The following IPCEF1 variants were observed in gnomAD, a reference collection of about 807,000 sequenced individuals.
IPCEF1 encodes the protein interactor protein for cytohesin exchange factors 1.
Under a neutral mutation model 50.9 loss-of-function variants are expected in IPCEF1, and 31 were observed. That is an observed-to-expected ratio of 0.61 (90% confidence interval 0.46 to 0.82). IPCEF1 has a LOEUF of 0.82. Among genes scored for constraint, IPCEF1 ranks in the 40% least tolerant of loss-of-function variants. The pLI is 0.00. For missense variants in IPCEF1, 458 were observed against 514.0 expected (o/e 0.89, Z 1.05); for synonymous variants, 181 against 192.0 (o/e 0.94, Z 0.47).
chr6:154,260,210 C>G (rs942649544), intron 3 of IPCEF1, among the ~76,000 whole-genome samples: 1 of 152,200 alleles, frequency 6.6e-6, no homozygotes, highest in East Asian at 1.9e-4. Context: ...CAGCAAATAA[C>G]TTAACCACAG....
chr6:154,251,745 C>T (rs1298744893), intron 3 of IPCEF1, among the ~76,000 whole-genome samples: 2 of 151,854 alleles, frequency 1.3e-5, no homozygotes, highest in African/African-American at 4.8e-5. Flanking sequence ...ATGGATACCA[C>T]GGCACTTTCC....
chr6:154,226,845 A>G lies in IPCEF1; in HGVS notation c.247-3602T>C, dbSNP rs370752189. ...AAGCCCTGATTAGTTCCACAATTTC[A>G]TCTCTCCCCCTCCCCCATTCAGCCA... On this transcript the variant is annotated intron_variant, in intron 5 of 11. Coordinates refer to ENST00000367220, the MANE Select transcript of IPCEF1 (RefSeq NM_001130700.2). Among the ~76,000 whole-genome samples the G allele has an allele frequency of 2.0e-5, 3 of 151,972 alleles. No individual in the cohort carries two copies. The East Asian group carries it at 5.8e-4, about 29-fold the overall frequency.
chr6:154,171,836 A>G (rs2128557472), intron 10 of IPCEF1, among the ~76,000 whole-genome samples: 1 of 152,320 alleles, frequency 6.6e-6, no homozygotes, highest in Middle Eastern at 3.4e-3. Context: ...AAGACACAGT[A>G]ATTTTACATG....
intron 2 of IPCEF1, among the ~76,000 whole-genome samples, chr6:154,277,860 C>CT (rs955557343): frequency 9.4e-4 from 142 of 151,466 alleles, no homozygotes; most frequent in Middle Eastern, 3.4e-3. Context: ...TAAAGCCAGA[C>CT]TTTTTTTTTC....
chr6:154,322,936 A>G (rs1783423416), intron 1 of IPCEF1, among the ~76,000 whole-genome samples: 1 of 152,204 alleles, frequency 6.6e-6, no homozygotes, highest in Non-Finnish European at 1.5e-5. Context: ...TTGAAATCTC[A>G]TTCAAACAAA....
chr6:154,163,893 CCTTCCT>C, intron 11 of IPCEF1, among the ~76,000 whole-genome samples: 1 of 152,058 alleles, frequency 6.6e-6, no homozygotes, highest in South Asian at 2.1e-4. Flanking sequence ...AGATAGGAAT[CCTTCCT>C]TCCAAAATGG....
chr6:154,158,275 CA>C lies in IPCEF1; in HGVS notation c.*1552del, dbSNP rs1468179441. ...ACAATTTGTTACGGGTAGGCAGGGC[CA>C]ACATGGGTACTTGGTGGGTTGTGGT... On this transcript the variant is annotated 3_prime_UTR_variant, in exon 12 of 12. Transcript: ENST00000367220. The C allele has an allele frequency of 6.6e-6, 1 of 152,080 alleles. No homozygotes were observed. The highest frequency in any genetic ancestry group is 6.6e-5 in the Admixed American group (1 of 15,260). 9.4% of individuals were successfully genotyped at this position (152,080 alleles called of 1,614,324 possible). A position where few individuals can be genotyped will look rare whatever the true frequency, so the allele number is the denominator to read the frequency against.
chr6:154,260,881 C>G (rs941177740), intron 3 of IPCEF1, among the ~76,000 whole-genome samples: 5 of 152,118 alleles, frequency 3.3e-5, no homozygotes, highest in African/African-American at 7.2e-5. Context: ...ATCATGATTT[C>G]GTGCATAACA....
chr6:154,180,403 TA>T (rs1562526629), intron 10 of IPCEF1, among the ~76,000 whole-genome samples: 860 of 42,828 alleles, frequency 0.02, 23 homozygotes, highest in African/African-American at 0.056. Flanking sequence ...TATATATATA[TA>T]TATATATATA....
intron 11 of IPCEF1, among the ~76,000 whole-genome samples, chr6:154,167,608 G>C (rs1799543235): frequency 6.6e-6 from 1 of 152,220 alleles, no homozygotes; most frequent in Admixed American, 6.5e-5. Flanking sequence ...CAGGTACTGT[G>C]CTAGGTATAA....
intron 4 of IPCEF1, 63 bp downstream of exon 4, chr6:154,247,386 C>G: frequency 1.5e-6 from 2 of 1,345,800 alleles, no homozygotes; most frequent in South Asian, 2.4e-5. Context: ...GAAGGCACCC[C>G]GGAGAAAAGC....
chr6:154,292,667 C>G (rs997314216), intron 1 of IPCEF1, among the ~76,000 whole-genome samples: 1 of 152,142 alleles, frequency 6.6e-6, no homozygotes, highest in Non-Finnish European at 1.5e-5. Flanking sequence ...CTTTGCCTTA[C>G]AGTTCTTATT....
chr6:154,285,891 C>A (rs1207252759), intron 2 of IPCEF1, among the ~76,000 whole-genome samples: 1 of 152,054 alleles, frequency 6.6e-6, no homozygotes, highest in African/African-American at 2.4e-5. Context: ...TAACATAAAT[C>A]AAAATTAAGC....
In IPCEF1 at chr6:154,159,665, G is replaced by C. The variant is rs1798855179; in HGVS notation, c.*163C>G. ...GTTACGACTGAAATGAGGAGCCCTG[G>C]TGTATTCGGTGATTATCTTCATCTA... On this transcript the variant is annotated 3_prime_UTR_variant, in exon 12 of 12. Coordinates refer to ENST00000367220, the MANE Select transcript of IPCEF1 (RefSeq NM_001130700.2). 1.6e-6 allele frequency: 1 copy of C among 634,626 alleles called. No individual in the cohort carries two copies. Among genetic ancestry groups the C allele is most frequent in the Non-Finnish European group, 2.8e-6 (1 of 362,328 alleles). The allele number at this position is 634,626 out of a possible 1,614,324, so 39.3% of individuals were successfully genotyped here.
chr6:154,179,939 C>G (rs765846851), intron 10 of IPCEF1, among the ~76,000 whole-genome samples: 44 of 152,074 alleles, frequency 2.9e-4, no homozygotes, highest in Admixed American at 1.5e-3. Context: ...TTAACAAGCT[C>G]CTAAGTGATG....
At chr6:154,162,644 C>T (rs988033974) in intron 11 of IPCEF1, among the ~76,000 whole-genome samples, 5 of 152,204 alleles carry the variant, frequency 3.3e-5, no homozygotes, top group Non-Finnish European at 7.3e-5. Context: ...CTCCTTGTCA[C>T]GCCACCTCTT....
At chr6:154,180,755 G>A (rs924259413) in intron 10 of IPCEF1, among the ~76,000 whole-genome samples, 4 of 152,168 alleles carry the variant, frequency 2.6e-5, no homozygotes, top group African/African-American at 4.8e-5. Flanking sequence ...GCTGGATTCA[G>A]AAGACAGGAG....
intron 3 of IPCEF1, among the ~76,000 whole-genome samples, chr6:154,253,443 C>T (rs557074655): frequency 3.9e-5 from 6 of 152,304 alleles, no homozygotes; most frequent in South Asian, 4.1e-4. Context: ...AATGTTTTCA[C>T]GTTGATACAT....
At chr6:154,296,919 C>T (rs1782678934) in intron 1 of IPCEF1, among the ~76,000 whole-genome samples, 1 of 151,978 alleles carries the variant, frequency 6.6e-6, no homozygotes, top group South Asian at 2.1e-4. Flanking sequence ...GAAAGGCTGA[C>T]AGGGCCCCAG....
Sources: allele counts gnomAD v4.1 joint callset (sites outside exome capture counted in the v4.1 genomes callset), GRCh38; gene constraint gnomAD v4.1.1; transcripts MANE v1.5; gene names NCBI Gene and HGNC (gene_info 2026-07-23, HGNC 2026-07-21).